The following NDOR1 variants were observed in gnomAD, a reference collection of about 807,000 sequenced individuals.
NDOR1 encodes the protein NADPH dependent diflavin oxidoreductase 1, also known as NADPH-dependent diflavin oxidoreductase 1.
In NDOR1, 61 loss-of-function variants were observed where a neutral mutation model predicts 67.2. The observed-to-expected ratio is 0.91, with a 90% CI of 0.74 to 1.12. NDOR1 has a LOEUF of 1.12. NDOR1 is among the 50% of genes most tolerant of loss of function. The pLI, the probability that NDOR1 is intolerant of heterozygous loss-of-function variation, is 0.00. For missense variants in NDOR1, 878 were observed against 802.8 expected (o/e 1.09, Z -1.13); for synonymous variants, 378 against 343.7 (o/e 1.10, Z -1.10).
chr9:137,211,709 G>T lies in NDOR1; in HGVS notation c.214-793G>T, dbSNP rs149437214. Among the ~76,000 whole-genome samples the T allele has an allele frequency of 4.3e-3, 648 of 152,262 alleles. 16 individuals carry two copies. The East Asian group carries it at 0.074, about 17-fold the overall frequency. On this transcript the variant is annotated intron_variant, in intron 2 of 13. Transcript: ENST00000684003. ...CTGATGAGGCAGTGAGGTCCCGGGA[G>T]GCCAGGGGTGGTCCAGGGCCAGGGT...
At position 137,215,339 on chromosome 9, in the gene NDOR1, G is replaced by A. The variant is rs1361827295; in HGVS notation, c.1174-68G>A. ...GGACTGCCTCTGCGGGAGGTAGGTG[G>A]GGCCCACGGCCCAGGCACAGGTGAG... On this transcript the variant is annotated intron_variant, in intron 9 of 13. Transcript: ENST00000684003. 3.8e-6 allele frequency: 6 copies of A among 1,564,710 alleles called. No homozygotes were observed. In the East Asian group the frequency reaches 1.1e-4, roughly 29 times the overall value.
At chr9:137,213,727 G>A in intron 3 of NDOR1, 53 bp from the exon 4 acceptor site, 2 of 1,562,106 alleles carry the variant, frequency 1.3e-6, no homozygotes, top group Non-Finnish European at 1.7e-6. Flanking sequence ...CTCTGCCTGG[G>A]CACCACTCTC....
At position 137,215,884 on chromosome 9, in the gene NDOR1, C is replaced by T. The variant is rs1835553538; in HGVS notation, c.1436-15C>T. ...CTCAAGGACCTGTGGCCAAGAGCAC[C>T]CTGTATTTCCCTAGGAAACTTCTTG... On this transcript the variant is annotated splice_polypyrimidine_tract_variant and intron_variant, in intron 11 of 13. Coordinates refer to ENST00000684003, the MANE Select transcript of NDOR1 (RefSeq NM_014434.4). The T allele has an allele frequency of 5.0e-6, 8 of 1,612,998 alleles. No individual in the cohort carries two copies. Among genetic ancestry groups the T allele is most frequent in the African/African-American group, 1.3e-5 (1 of 74,940 alleles).
Position 137,212,819 on chromosome 9 carries a change from G to A in NDOR1, c.311+220G>A. 5.4e-6 allele frequency: 3 copies of A among 553,110 alleles called. No individual in the cohort carries two copies. The South Asian group carries it at 6.6e-5, about 12-fold the overall frequency. The allele number at this position is 553,110 out of a possible 1,614,324, so 34.3% of individuals were successfully genotyped here. On this transcript the variant is annotated intron_variant, in intron 3 of 13. Coordinates refer to ENST00000684003, the MANE Select transcript of NDOR1 (RefSeq NM_014434.4). The surrounding 1 kb of genome is among the most constrained non-coding windows in gnomAD (Gnocchi z 4.3). ...AGCAGGCAGGGTGGCAAAGGGCTGG[G>A]CTCCAGCCACGCTGACGTCACACAG...
At chr9:137,214,527 T>C in intron 6 of NDOR1, 43 bp from the exon 7 acceptor site, 1 of 1,609,830 alleles carries the variant, frequency 6.2e-7, no homozygotes, top group Middle Eastern at 1.7e-4. Context: ...CCCGACATCC[T>C]CCCTGCGGCG....
At position 137,214,845 on chromosome 9, in the gene NDOR1, C is replaced by A. The variant is rs755842966; in HGVS notation, c.892C>A (p.Leu298Ile). 39 of 1,609,086 alleles carry A rather than the reference C, an allele frequency of 2.4e-5. No individual in the cohort carries two copies. The highest frequency in any genetic ancestry group is 5.5e-5 in the South Asian group (5 of 91,088). The change falls in exon 8 of 14, where the codon CTC becomes ATC. Residue 298 changes from leucine (L) to isoleucine (I), a missense_variant. Physicochemically the swap from Leu to Ile is conservative, Grantham distance 5. Coordinates refer to ENST00000684003, the MANE Select transcript of NDOR1 (RefSeq NM_014434.4). ...RLPQPCSMRH[L>I]VSHYLDIASV... ...GCCCCAGCCCTGCTCCATGCGGCAC[C>A]TCGTGTCCCACTACCTGGACATCGC...
intron 2 of NDOR1, among the ~76,000 whole-genome samples, chr9:137,207,223 G>C (rs1393702241): frequency 6.6e-6 from 1 of 151,850 alleles, no homozygotes; most frequent in African/African-American, 2.4e-5. Flanking sequence ...AGATGCTACC[G>C]ATCTGAGCTG....
chr9:137,208,517 A>G (rs1030973859), intron 2 of NDOR1, among the ~76,000 whole-genome samples: 1 of 151,724 alleles, frequency 6.6e-6, no homozygotes, highest in Non-Finnish European at 1.5e-5. Flanking sequence ...TGAAAAGGCT[A>G]AAGAGTTAAA....
intron 2 of NDOR1, among the ~76,000 whole-genome samples, chr9:137,209,028 C>T (rs1236923541): frequency 1.3e-5 from 2 of 151,950 alleles, no homozygotes; most frequent in Admixed American, 6.5e-5. Flanking sequence ...CTACAGGCGC[C>T]GCCACCACGC....
rs187499670 is a variant in NDOR1, at chr9:137,212,776, G to A, written c.311+177G>A. The stretch of plus-strand genomic sequence containing the variant: ...GTGGGCACCCCAGGCTTCACGCTGC[G>A]GGGAGGGCACAGAGGGGAGCAGGCA... On this transcript the variant is annotated intron_variant, in intron 3 of 13. Transcript: ENST00000684003. This position sits in a 1 kb window ranked among gnomAD's most constrained non-coding sequence, Gnocchi z 4.3. 65 of 619,274 alleles carry A rather than the reference G, an allele frequency of 1.0e-4. 1 individual carries two copies. Among genetic ancestry groups the A allele is most frequent in the Non-Finnish European group, 1.6e-4 (54 of 347,534 alleles). 38.4% of individuals were successfully genotyped at this position (619,274 alleles called of 1,614,324 possible). A position where few individuals can be genotyped will look rare whatever the true frequency, so the allele number is the denominator to read the frequency against.
rs1462514987 is a variant in NDOR1 at position 137,217,904 on chromosome 9, CTG to C, written c.*1491_*1492del. The C allele has an allele frequency of 2.5e-6, 1 of 398,268 alleles. No individual in the cohort carries two copies. Among genetic ancestry groups the C allele is most frequent in the Non-Finnish European group, 4.4e-6 (1 of 226,026 alleles). 24.7% of individuals were successfully genotyped at this position (398,268 alleles called of 1,614,324 possible). A position where few individuals can be genotyped will look rare whatever the true frequency, so the allele number is the denominator to read the frequency against. ...TCTGGGCCCTGAGTGCCTGGACCCT[CTG>C]TGCCAAGCACCAGCAAGCAAAGGGG... On this transcript the variant is annotated 3_prime_UTR_variant, in exon 14 of 14. Coordinates refer to ENST00000684003, the MANE Select transcript of NDOR1 (RefSeq NM_014434.4).
In NDOR1 at chr9:137,218,918, G is replaced by A. The variant is rs1396887613; in HGVS notation, c.*2502G>A. On this transcript the variant is annotated 3_prime_UTR_variant, in exon 14 of 14. Coordinates refer to ENST00000684003, the MANE Select transcript of NDOR1 (RefSeq NM_014434.4). ...GTGAGCAGGACCCCATTCACCCTGC[G>A]GCAGACGGGCACCGTACTGGCCACG... 4.4e-5 allele frequency: 14 copies of A among 317,496 alleles called. No homozygotes were observed. The highest frequency in any genetic ancestry group is 7.5e-5 in the Non-Finnish European group (13 of 174,366). The allele number at this position is 317,496 out of a possible 1,614,324, so 19.7% of individuals were successfully genotyped here.
At chr9:137,211,140 C>A (rs1453923285) in intron 2 of NDOR1, among the ~76,000 whole-genome samples, 1 of 151,882 alleles carries the variant, frequency 6.6e-6, no homozygotes, top group Non-Finnish European at 1.5e-5. Flanking sequence ...GACTCCATCT[C>A]AAAAAAAGAT....
In NDOR1 at chr9:137,212,258, G is replaced by A. The variant is rs896942946; in HGVS notation, c.214-244G>A. On this transcript the variant is annotated intron_variant, in intron 2 of 13. Transcript: ENST00000684003. The surrounding 1 kb of genome is among the most constrained non-coding windows in gnomAD (Gnocchi z 4.3). ...CCACGCAGGCCTGTAGAGCACAGCA[G>A]GGTCTGGCTCCTGTGGGCAGGGTGG... 2.0e-5 allele frequency among the ~76,000 whole-genome samples: 3 copies of A among 152,286 alleles called. No individual in the cohort carries two copies. The highest frequency in any genetic ancestry group is 7.2e-5 in the African/African-American group (3 of 41,560).
rs976964420 is a variant in NDOR1 at position 137,218,576 on chromosome 9, G to C, written c.*2160G>C. ...GCTCCTGCTGCTGGGACTGCTCTTC[G>C]TGCTCCTGGACCGCTCTGGCCGCTG... On this transcript the variant is annotated 3_prime_UTR_variant, in exon 14 of 14. Coordinates refer to ENST00000684003, the MANE Select transcript of NDOR1 (RefSeq NM_014434.4). 7.5e-6 allele frequency: 3 copies of C among 399,458 alleles called. No individual in the cohort carries two copies. Among genetic ancestry groups the C allele is most frequent in the African/African-American group, 6.2e-5 (3 of 48,612 alleles). The allele number at this position is 399,458 out of a possible 1,614,324, so 24.7% of individuals were successfully genotyped here. A position where few individuals can be genotyped will look rare whatever the true frequency, so the allele number is the denominator to read the frequency against.
chr9:137,215,082 T>C lies in NDOR1; in HGVS notation c.1066-13T>C. The C allele has an allele frequency of 6.2e-7, 1 of 1,613,546 alleles. No homozygotes were observed. Among genetic ancestry groups the C allele is most frequent in the Non-Finnish European group, 8.5e-7 (1 of 1,179,878 alleles). On this transcript the variant is annotated splice_polypyrimidine_tract_variant and intron_variant, in intron 8 of 13. Transcript: ENST00000684003. Reference sequence around the variant, plus strand: ...AGCCACGCTGCAGCCACCCTGAGACTCTCTTTGCCTAGGTGCTCTGTGACT... The same window carrying C: ...AGCCACGCTGCAGCCACCCTGAGACCCTCTTTGCCTAGGTGCTCTGTGACT...
At position 137,217,747 on chromosome 9, in the gene NDOR1, C is replaced by T. The variant is rs563242827; in HGVS notation, c.*1331C>T. The T allele has an allele frequency of 4.7e-5, 18 of 383,866 alleles. No individual in the cohort carries two copies. Among genetic ancestry groups the T allele is most frequent in the Admixed American group, 4.1e-4 (9 of 22,150 alleles). The allele number at this position is 383,866 out of a possible 1,614,324, so 23.8% of individuals were successfully genotyped here. ...TGCCTTCCCTGAGGGCCGCCCCTGT[C>T]GCCGCCCTGGGGTCCCTGTCCTCCT... is the stretch of plus-strand genomic sequence containing the variant. On this transcript the variant is annotated 3_prime_UTR_variant, in exon 14 of 14. Transcript: ENST00000684003.
rs1380306037 is a variant in NDOR1, at chr9:137,214,051, G to A, written c.495G>A (p.Glu165=). Residue 165 remains glutamate, a synonymous_variant, in exon 5 of 14, where the codon GAG becomes GAA. Coordinates refer to ENST00000684003, the MANE Select transcript of NDOR1 (RefSeq NM_014434.4). ...GLYPPPPGLT[E]IPPGVPLPSK... is the part of the protein sequence containing the mutation. The stretch of plus-strand genomic sequence containing the variant: ...ACCCGCCGCCTCCGGGCCTCACTGA[G>A]ATCCCTCCCGGAGTCCCGTGAGTGT... 1 of 1,542,614 alleles carries A rather than the reference G, an allele frequency of 6.5e-7. No individual in the cohort carries two copies. The highest frequency in any genetic ancestry group is 8.7e-7 in the Non-Finnish European group (1 of 1,147,478).
In NDOR1 at chr9:137,212,647, G is replaced by A. The variant is rs773499431; in HGVS notation, c.311+48G>A. 9 of 1,537,108 alleles carry A rather than the reference G, an allele frequency of 5.9e-6. No homozygotes were observed. Among genetic ancestry groups the A allele is most frequent in the African/African-American group, 2.7e-5 (2 of 73,240 alleles). On this transcript the variant is annotated intron_variant, in intron 3 of 13. Coordinates refer to ENST00000684003, the MANE Select transcript of NDOR1 (RefSeq NM_014434.4). The surrounding 1 kb of genome is among the most constrained non-coding windows in gnomAD (Gnocchi z 4.3). ...GGCGGACGGAACAGTTCTGGGGGTCGAGCAACAGGTGTGCTGGCAGAGGAC... is the reference window on the plus strand; with the variant it reads ...GGCGGACGGAACAGTTCTGGGGGTCAAGCAACAGGTGTGCTGGCAGAGGAC...
Sources: allele counts gnomAD v4.1 joint callset (sites outside exome capture counted in the v4.1 genomes callset), GRCh38; gene constraint gnomAD v4.1.1; non-coding constraint Gnocchi (gnomAD v3.1); transcripts MANE v1.5; gene names NCBI Gene and HGNC (gene_info 2026-07-23, HGNC 2026-07-21).